The following GRM7 variants were observed in gnomAD, a reference collection of about 807,000 sequenced individuals.
GRM7 encodes metabotropic glutamate receptor 7.
GRM7 carries 35 observed loss-of-function variants against 84.5 expected under a neutral mutation model. That is an observed-to-expected ratio of 0.41 (90% CI 0.32 to 0.55). The LOEUF (loss-of-function observed/expected upper bound fraction) is 0.55. Ranked by LOEUF, GRM7 falls within the 20% of genes least tolerant of loss-of-function variation. GRM7 has a pLI of 0.19. For missense variants in GRM7, 1,003 were observed against 1,194.6 expected (o/e 0.84, Z 2.36); for synonymous variants, 487 against 455.1 (o/e 1.07, Z -0.89).
At chr3:7,528,846 A>T (rs1422963417) in intron 7 of GRM7, among the ~76,000 whole-genome samples, 3 of 151,666 alleles carry the variant, frequency 2.0e-5, no homozygotes, top group Non-Finnish European at 4.4e-5. Flanking sequence ...TTTGGTATTG[A>T]TTTCTATTTT....
intron 2 of GRM7, among the ~76,000 whole-genome samples, chr3:7,287,974 T>G (rs1699488785): frequency 6.6e-6 from 1 of 152,182 alleles, no homozygotes; most frequent in African/African-American, 2.4e-5. Flanking sequence ...TAACTCTAAT[T>G]TTGATATCTA....
chr3:6,865,431 A>C (rs1694906464), intron 1 of GRM7, among the ~76,000 whole-genome samples: 1 of 152,002 alleles, frequency 6.6e-6, no homozygotes, highest in Non-Finnish European at 1.5e-5. Flanking sequence ...GAGAGCAAAC[A>C]CTCCCAGAGT....
At chr3:7,632,265 C>T (rs183811811) in intron 8 of GRM7, among the ~76,000 whole-genome samples, 7 of 152,168 alleles carry the variant, frequency 4.6e-5, no homozygotes, top group East Asian at 1.9e-4. Context: ...ACATTTCCCC[C>T]GTGGTATAGA....
intron 2 of GRM7, among the ~76,000 whole-genome samples, chr3:7,210,269 C>T (rs1476858479): frequency 6.6e-6 from 1 of 152,214 alleles, no homozygotes; most frequent in East Asian, 1.9e-4. Context: ...GGAGGATTTA[C>T]TCAGTTCCCA....
At chr3:7,565,315 G>A (rs1025746272) in intron 7 of GRM7, among the ~76,000 whole-genome samples, 4 of 152,138 alleles carry the variant, frequency 2.6e-5, no homozygotes, top group African/African-American at 9.7e-5. Context: ...TTACAATAGT[G>A]GACAAAGAGG....
rs71066011 is a variant in GRM7, at chr3:7,435,679, G to GTTTTTT, written c.1175-16907_1175-16902dup. Among the ~76,000 whole-genome samples, 33 of 88,526 alleles carry GTTTTTT rather than the reference G, an allele frequency of 3.7e-4. 3 individuals carry two copies. The highest frequency in any genetic ancestry group is 1.4e-3 in the African/African-American group (29 of 20,582). The allele number at this position is 88,526 out of a possible 152,430, so 58.1% of individuals were successfully genotyped here. ...AGGCCCTTGCCACCACATCCGGCTAGTTTTTTTTTTTTTTTTTTTTTTTTT... is the reference window on the plus strand; with the variant it reads ...AGGCCCTTGCCACCACATCCGGCTAGTTTTTTTTTTTTTTTTTTTTTTTTTTTTTTT... On this transcript the variant is annotated intron_variant, in intron 5 of 9. Transcript: ENST00000357716.
At chr3:7,321,065 T>G (rs952465735) in intron 4 of GRM7, among the ~76,000 whole-genome samples, 1 of 151,980 alleles carries the variant, frequency 6.6e-6, no homozygotes, top group East Asian at 1.9e-4. Context: ...TCACTGCTAT[T>G]GAGTCCCCTA....
chr3:7,535,837 T>C (rs1701220551), intron 7 of GRM7, among the ~76,000 whole-genome samples: 1 of 152,246 alleles, frequency 6.6e-6, no homozygotes, highest in Admixed American at 6.5e-5. Context: ...TGTCAAACCA[T>C]GCACCTTGGC....
chr3:7,733,142 C>T (rs1301643935), intron 9 of GRM7, among the ~76,000 whole-genome samples: 1 of 152,126 alleles, frequency 6.6e-6, no homozygotes, highest in East Asian at 1.9e-4. Context: ...TATCTTGTGC[C>T]AACCTCCTCT....
chr3:7,472,488 A>G (rs970563405), intron 7 of GRM7, among the ~76,000 whole-genome samples: 1 of 152,208 alleles, frequency 6.6e-6, no homozygotes, highest in Admixed American at 6.5e-5. Context: ...AGAATCCCCC[A>G]CTGAGTAGCA....
chr3:7,345,114 G>C (rs1692831283), intron 4 of GRM7, among the ~76,000 whole-genome samples: 1 of 152,006 alleles, frequency 6.6e-6, no homozygotes, highest in Non-Finnish European at 1.5e-5. Context: ...TCTAGAATGT[G>C]TGATTTTTAT....
At chr3:7,683,685 T>C (rs909836362) in intron 9 of GRM7, among the ~76,000 whole-genome samples, 3 of 152,268 alleles carry the variant, frequency 2.0e-5, no homozygotes, top group African/African-American at 7.2e-5. Context: ...CACTAGCACA[T>C]GTGGCTATTG....
rs748635333 is a variant in GRM7 at position 6,861,653 on chromosome 3, A to G, written c.265A>G (p.Ile89Val). Residue 89 changes from isoleucine to valine, a missense_variant, in exon 1 of 10, where the codon ATC becomes GTC. This residue lies in a region of GRM7 where 910 missense variants were observed against 1,126.0 expected (regional missense o/e 0.81). Coordinates refer to ENST00000357716, the MANE Select transcript of GRM7 (RefSeq NM_000844.4). The surrounding 1 kb of genome is among the most constrained non-coding windows in gnomAD (Gnocchi z 6.4). The stretch of plus-strand genomic sequence containing the variant: ...AGCGATGCTCTACGCCCTGGACCAG[A>G]TCAACAGTGATCCCAACCTACTGCC... ...LEAMLYALDQ[I>V]NSDPNLLPNV... 6.2e-7 allele frequency: 1 copy of G among 1,613,906 alleles called. No individual in the cohort carries two copies. Among genetic ancestry groups the G allele is most frequent in the South Asian group, 1.1e-5 (1 of 91,042 alleles).
intron 8 of GRM7, 42 bp from the exon 9 acceptor site, chr3:7,680,007 T>G (rs1425265762): frequency 1.2e-6 from 2 of 1,603,542 alleles, no homozygotes; most frequent in Non-Finnish European, 1.7e-6. Flanking sequence ...CCTACTGCAG[T>G]CATTTTATTT....
rs1699340501 is a variant in GRM7, at chr3:7,486,832, G to T, written c.1515+25110G>T. Among the ~76,000 whole-genome samples, 1 of 152,190 alleles carries T rather than the reference G, an allele frequency of 6.6e-6. No homozygotes were observed. Among genetic ancestry groups the T allele is most frequent in the South Asian group, 2.1e-4 (1 of 4,834 alleles). ...TGTTGCTATGCCTGAAAATGTAGAA[G>T]TAGCTCTGGAACTGGGTACCTGGCA... On this transcript the variant is annotated intron_variant, in intron 7 of 9. Coordinates refer to ENST00000357716, the MANE Select transcript of GRM7 (RefSeq NM_000844.4). The surrounding 1 kb of genome is among the most constrained non-coding windows in gnomAD (Gnocchi z 5.5).
chr3:6,911,737 A>G (rs1334626358), intron 1 of GRM7, among the ~76,000 whole-genome samples: 1 of 152,164 alleles, frequency 6.6e-6, no homozygotes. Flanking sequence ...TTTATGTTTT[A>G]AAACTTTTTT....
chr3:7,319,947 C>T (rs1301790446), intron 4 of GRM7, among the ~76,000 whole-genome samples: 1 of 151,984 alleles, frequency 6.6e-6, no homozygotes, highest in East Asian at 1.9e-4. Context: ...CTACACAAAT[C>T]AAGACATAAA....
chr3:7,539,368 C>G (rs1692737049), intron 7 of GRM7, among the ~76,000 whole-genome samples: 1 of 152,052 alleles, frequency 6.6e-6, no homozygotes, highest in Non-Finnish European at 1.5e-5. Context: ...CTGAAGTTCT[C>G]CGTGCTTTCT....
chr3:7,204,771 A>G (rs1696180304), intron 2 of GRM7, among the ~76,000 whole-genome samples: 1 of 152,242 alleles, frequency 6.6e-6, no homozygotes, highest in African/African-American at 2.4e-5. Context: ...CGGATCCAGT[A>G]CTGCATTAAT....
Sources: gnomAD v4.1 joint callset for allele counts (sites outside exome capture counted in the v4.1 genomes callset) on GRCh38, gnomAD v4.1.1 for gene constraint, gnomAD v4.1.1 regional missense constraint, Gnocchi (gnomAD v3.1) non-coding constraint, MANE v1.5 for transcripts, NCBI Gene and HGNC (gene_info 2026-07-23, HGNC 2026-07-21) for gene names.